SUPV3L1: variants seen among roughly 807,000 people sequenced by gnomAD.
SUPV3L1 encodes the protein Suv3 like RNA helicase.
Under a neutral mutation model 70.0 loss-of-function variants are expected in SUPV3L1, and 35 were observed. The observed-to-expected ratio is 0.50, with a 90% CI of 0.38 to 0.66. The LOEUF (loss-of-function observed/expected upper bound fraction) is 0.66, where lower values mean the gene tolerates loss of function less well. Among genes scored for constraint, SUPV3L1 ranks in the 30% least tolerant of loss-of-function variants. The probability of loss-of-function intolerance (pLI) is 0.00; values close to 1 mark genes in which losing one functional copy is unlikely to be tolerated. For synonymous variants in SUPV3L1, 364 were observed against 341.9 expected (o/e 1.06, Z -0.71); for missense variants, 777 against 961.5 (o/e 0.81, Z 2.54).
chr10:69,200,603 A>G (rs1842660117), intron 11 of SUPV3L1, 104 bp downstream of exon 11: 3 of 1,014,082 alleles, frequency 3.0e-6, no homozygotes, highest in Admixed American at 2.8e-5. Context: ...GGATACAGAC[A>G]TAAGTGAAAG....
intron 2 of SUPV3L1, 118 bp from the exon 3 acceptor site, chr10:69,186,325 C>CAAAAAAAAAA (rs34197871): frequency 3.5e-5 from 14 of 400,302 alleles, no homozygotes; most frequent in East Asian, 2.7e-4. Context: ...GCTGTACTGC[C>CAAAAAAAAAA]AAAAAAAAAA....
intron 14 of SUPV3L1, among the ~76,000 whole-genome samples, chr10:69,208,251 C>A (rs990708496): frequency 6.6e-6 from 1 of 152,208 alleles, no homozygotes; most frequent in Non-Finnish European, 1.5e-5. Context: ...GAGTATCAGG[C>A]CCATGCCTGA....
chr10:69,195,246 C>T lies in SUPV3L1; in HGVS notation c.912C>T (p.Ala304=). 1 of 1,612,296 alleles carries T rather than the reference C, an allele frequency of 6.2e-7. No individual in the cohort carries two copies. The highest frequency in any genetic ancestry group is 1.3e-5 in the African/African-American group (1 of 74,956). The change falls in exon 7 of 15, where the codon GCC becomes GCT. Residue 304 remains alanine, a synonymous_variant. Transcript: ENST00000359655. ...QMIRDPARGW[A]WTRALLGLCA... is the part of the protein sequence containing the mutation. ...TTAGAGATCCAGCCAGAGGATGGGC[C>T]TGGACCAGAGCACTTCTAGGTTGGT... is the stretch of plus-strand genomic sequence containing the variant.
Position 69,186,530 on chromosome 10 carries a change from A to G in SUPV3L1, c.437A>G (p.Asn146Ser). The G allele has an allele frequency of 6.2e-7, 1 of 1,613,874 alleles. No individual in the cohort carries two copies. Among genetic ancestry groups the G allele is most frequent in the Non-Finnish European group, 8.5e-7 (1 of 1,179,832 alleles). ...SLDVDIHIVL[N>S]DICFGAAHAD... is the part of the protein sequence containing the mutation. The stretch of plus-strand genomic sequence containing the variant: ...GATGTGGACATTCACATTGTTTTGA[A>G]TGATATTTGCTTCGGTGCAGGCAAG... The change falls in exon 3 of 15, where the codon AAT becomes AGT. Residue 146 changes from asparagine (N) to serine (S), a missense_variant. Physicochemically the swap from Asn to Ser is conservative, Grantham distance 46. Coordinates refer to ENST00000359655, the MANE Select transcript of SUPV3L1 (RefSeq NM_003171.5).
chr10:69,189,595 C>T (rs1484647313), intron 5 of SUPV3L1, among the ~76,000 whole-genome samples, 160 bp downstream of exon 5: 1 of 150,416 alleles, frequency 6.6e-6, no homozygotes, highest in African/African-American at 2.4e-5. Flanking sequence ...ATTTTATATA[C>T]AGTTAAGAAA....
chr10:69,183,516 A>C (rs1009315466), intron 1 of SUPV3L1, among the ~76,000 whole-genome samples: 3 of 152,096 alleles, frequency 2.0e-5, no homozygotes, highest in Non-Finnish European at 4.4e-5. Flanking sequence ...CCATCTCTAC[A>C]AAAAATACAG....
intron 4 of SUPV3L1, 65 bp downstream of exon 4, chr10:69,187,821 A>AT (rs889661778): frequency 1.7e-3 from 1,763 of 1,015,278 alleles, no homozygotes; most frequent in Non-Finnish European, 2.0e-3. Flanking sequence ...CGTGGTCATT[A>AT]TTTTTTTTTA....
intron 9 of SUPV3L1, 64 bp from the exon 10 acceptor site, chr10:69,199,040 G>A: frequency 7.8e-7 from 1 of 1,275,040 alleles, no homozygotes; most frequent in Non-Finnish European, 1.1e-6. Context: ...TTTCCAAGAT[G>A]TACTTAGCTT....
chr10:69,199,889 C>T (rs188152528), intron 10 of SUPV3L1, among the ~76,000 whole-genome samples: 11 of 152,208 alleles, frequency 7.2e-5, no homozygotes, highest in East Asian at 1.9e-4. Context: ...CTGTGCCCCA[C>T]GCCGGAGTAC....
At chr10:69,194,466 C>G (rs1842483823) in intron 6 of SUPV3L1, among the ~76,000 whole-genome samples, 1 of 152,046 alleles carries the variant, frequency 6.6e-6, no homozygotes, top group Non-Finnish European at 1.5e-5. Context: ...ATTCTCCTGC[C>G]TCAGCCTCCA....
At chr10:69,202,664 C>A in intron 12 of SUPV3L1, 145 bp downstream of exon 12, 1 of 1,113,036 alleles carries the variant, frequency 9.0e-7, no homozygotes, top group Non-Finnish European at 1.3e-6. Context: ...AATTTTTTCT[C>A]AAAATCTTTT....
At chr10:69,186,354 AG>A in intron 2 of SUPV3L1, 88 bp from the exon 3 acceptor site, 4 of 969,958 alleles carry the variant, frequency 4.1e-6, no homozygotes, top group Admixed American at 2.3e-5. Context: ...AGAAAAAAAA[AG>A]ACTCTTTGAT....
intron 4 of SUPV3L1, among the ~76,000 whole-genome samples, chr10:69,188,253 G>T (rs1842289519): frequency 6.6e-6 from 1 of 152,144 alleles, no homozygotes; most frequent in South Asian, 2.1e-4. Flanking sequence ...CTCCTTCTAT[G>T]CACCCTTCTC....
intron 13 of SUPV3L1, among the ~76,000 whole-genome samples, chr10:69,206,407 G>T (rs980090434): frequency 2.6e-5 from 4 of 152,210 alleles, no homozygotes; most frequent in African/African-American, 9.6e-5. Flanking sequence ...AAATCAGCTT[G>T]AATCTTGAAG....
In SUPV3L1 at chr10:69,189,391, C is replaced by A; in HGVS notation, c.697C>A (p.Leu233Ile). The change falls in exon 5 of 15, where the codon CTA becomes ATA. Residue 233 changes from leucine to isoleucine, a missense_variant. Leu to Ile is a conservative substitution (Grantham distance 5). This residue lies in a region of SUPV3L1 where 619 missense variants were observed against 823.3 expected (regional missense o/e 0.75). Coordinates refer to ENST00000359655, the MANE Select transcript of SUPV3L1 (RefSeq NM_003171.5). ...AAAGTCTGGAGTGTATTGTGGCCCT[C>A]TAAAATTACTGGCACATGAGATCTT... ...SAKSGVYCGP[L>I]KLLAHEIFEK... is the part of the protein sequence containing the mutation. The A allele has an allele frequency of 6.2e-7, 1 of 1,612,798 alleles. No individual in the cohort carries two copies. Among genetic ancestry groups the A allele is most frequent in the Non-Finnish European group, 8.5e-7 (1 of 1,179,448 alleles).
Position 69,209,035 on chromosome 10 carries a change from GT to G in SUPV3L1, c.*4del. 6.6e-7 allele frequency: 1 copy of G among 1,521,558 alleles called. No individual in the cohort carries two copies. Among genetic ancestry groups the G allele is most frequent in the Non-Finnish European group, 8.8e-7 (1 of 1,136,230 alleles). The allele number at this position is 1,521,558 out of a possible 1,614,324, so 94.3% of individuals were successfully genotyped here. A position where few individuals can be genotyped will look rare whatever the true frequency, so the allele number is the denominator to read the frequency against. On this transcript the variant is annotated 3_prime_UTR_variant, in exon 15 of 15. Coordinates refer to ENST00000359655, the MANE Select transcript of SUPV3L1 (RefSeq NM_003171.5). ...AGAAGAAGGAACCTGATTCGGACTA[GT>G]TTTCTGTTCCTGTTTTTTTTTTTTT...
chr10:69,199,066 T>G (rs779300699), intron 9 of SUPV3L1, 38 bp from the exon 10 acceptor site: 6 of 1,516,872 alleles, frequency 4.0e-6, no homozygotes, highest in Non-Finnish European at 5.4e-6. Flanking sequence ...AATAAAAGAC[T>G]GAGAACACTG....
intron 2 of SUPV3L1, 90 bp from the exon 3 acceptor site, chr10:69,186,353 A>G: frequency 2.1e-6 from 2 of 972,122 alleles, no homozygotes; most frequent in Middle Eastern, 2.2e-4. Flanking sequence ...AAGAAAAAAA[A>G]AGACTCTTTG....
intron 7 of SUPV3L1, among the ~76,000 whole-genome samples, chr10:69,195,631 T>A (rs1029702424): frequency 6.6e-6 from 1 of 152,236 alleles, no homozygotes; most frequent in African/African-American, 2.4e-5. Context: ...TTTTTCATTA[T>A]GTATTAATAT....
Sources: gnomAD v4.1 joint callset for allele counts (sites outside exome capture counted in the v4.1 genomes callset) on GRCh38, gnomAD v4.1.1 for gene constraint, gnomAD v4.1.1 regional missense constraint, MANE v1.5 for transcripts, NCBI Gene and HGNC (gene_info 2026-07-23, HGNC 2026-07-21) for gene names.